Variants in ABR observed in about 807,000 individuals in gnomAD.
The protein encoded by ABR is active breakpoint cluster region-related protein.
In ABR, 35 loss-of-function variants were observed where a neutral mutation model predicts 107.2. The ratio of observed to expected loss-of-function variants is 0.33; its 90% CI spans 0.25 to 0.43. The LOEUF (loss-of-function observed/expected upper bound fraction) is 0.43, where lower values mean the gene tolerates loss of function less well. ABR is among the 20% of genes least tolerant of loss of function. The probability of loss-of-function intolerance (pLI) is 1.00; values close to 1 mark genes in which losing one functional copy is unlikely to be tolerated. For missense variants in ABR, 815 were observed against 1,115.2 expected, an observed-to-expected ratio of 0.73 and a Z score of 3.83; for synonymous variants, 498 against 462.0, an observed-to-expected ratio of 1.08 and a Z score of -1.00.
intron 10 of ABR, among the ~76,000 whole-genome samples, chr17:1,063,513 C>T (rs1457608785): frequency 1.4e-5 from 2 of 145,120 alleles, no homozygotes; most frequent in African/African-American, 2.5e-5. Context: ...TTCCTCTAGA[C>T]ACTGTTGTTA....
chr17:1,039,000 A>C (rs2073410507), intron 16 of ABR, among the ~76,000 whole-genome samples: 1 of 152,150 alleles, frequency 6.6e-6, no homozygotes, highest in African/African-American at 2.4e-5. Context: ...CACGGACCCG[A>C]GAGGACACTC....
At chr17:1,205,547 AC>A (rs2042772797) in intron 1 of ABR, among the ~76,000 whole-genome samples, 2 of 152,350 alleles carry the variant, frequency 1.3e-5, no homozygotes, top group East Asian at 3.9e-4. Flanking sequence ...GCAGTGGCTC[AC>A]GTCTGTAATC....
rs1221774510 is a variant in ABR at position 1,037,965 on chromosome 17, T to C, written c.1791+12085A>G. Among the ~76,000 whole-genome samples the C allele has an allele frequency of 3.3e-5, 5 of 152,316 alleles. No homozygotes were observed. The highest frequency in any genetic ancestry group is 5.9e-5 in the Non-Finnish European group (4 of 68,030). ...ATGGTCTCCGGTGAGATTTCTTTTC[T>C]GCTGAGGACGCACCCCTGCCGTTTT... On this transcript the variant is annotated intron_variant, in intron 16 of 22. Coordinates refer to ENST00000302538, the MANE Select transcript of ABR (RefSeq NM_021962.5). The surrounding 1 kb of genome is among the most constrained non-coding windows in gnomAD (Gnocchi z 4.6).
intron 1 of ABR, among the ~76,000 whole-genome samples, chr17:1,159,573 GGA>G (rs1405549182): frequency 4.9e-5 from 2 of 40,432 alleles, no homozygotes; most frequent in Admixed American, 3.0e-4. Flanking sequence ...CTCACACACG[GGA>G]GAAGTAAGAA....
chr17:1,069,916 G>A (rs1433515947), intron 9 of ABR, 53 bp downstream of exon 9: 9 of 350,548 alleles, frequency 2.6e-5, no homozygotes, highest in African/African-American at 1.9e-4. Flanking sequence ...CACTCACCCC[G>A]CAGAGGTCCG....
Position 1,029,284 on chromosome 17 carries a change from G to C in ABR, c.1792-16120C>G, listed in dbSNP as rs7221229. Among the ~76,000 whole-genome samples the C allele has an allele frequency of 5.9e-3, 897 of 152,054 alleles. 14 individuals are homozygous for C. Among genetic ancestry groups the C allele is most frequent in the Non-Finnish European group, 7.3e-3 (497 of 67,986 alleles). On this transcript the variant is annotated intron_variant, in intron 16 of 22. Transcript: ENST00000302538. ...GGCTTTGGCCCCTGAACTCTCCTCCGGTGACAAGAACAGCCCAACCACAGG... is the reference window on the plus strand; with the variant it reads ...GGCTTTGGCCCCTGAACTCTCCTCCCGTGACAAGAACAGCCCAACCACAGG...
intron 1 of ABR, among the ~76,000 whole-genome samples, chr17:1,174,879 G>C (rs1219823157): frequency 1.3e-5 from 2 of 152,096 alleles, no homozygotes; most frequent in Non-Finnish European, 1.5e-5. Flanking sequence ...GGTGCCAGAT[G>C]ATCAACCTGC....
At chr17:1,190,156 A>G (rs1383635252), upstream of ABR, among the ~76,000 whole-genome samples, 1 of 152,192 alleles carries the variant, frequency 6.6e-6, no homozygotes, top group Non-Finnish European at 1.5e-5. Context: ...ACCCTAACTG[A>G]AAATTCCCCA....
intron 1 of ABR, among the ~76,000 whole-genome samples, chr17:1,130,888 C>G (rs2039793645): frequency 6.6e-6 from 1 of 152,186 alleles, no homozygotes; most frequent in Non-Finnish European, 1.5e-5. Flanking sequence ...GAACTCTGCC[C>G]CGGCAGCCTG....
At chr17:1,111,407 C>G (rs2038669295) in intron 2 of ABR, among the ~76,000 whole-genome samples, 1 of 152,184 alleles carries the variant, frequency 6.6e-6, no homozygotes, top group African/African-American at 2.4e-5. Flanking sequence ...CTCGGTGCCC[C>G]CCTGGAGGGG....
intron 1 of ABR, among the ~76,000 whole-genome samples, chr17:1,218,958 G>A (rs568056426): frequency 7.9e-5 from 12 of 152,218 alleles, no homozygotes; most frequent in Non-Finnish European, 1.5e-4. Context: ...CACAAATGAA[G>A]TTAATATACT....
chr17:1,201,482 C>T (rs927896236), intron 1 of ABR, among the ~76,000 whole-genome samples: 5 of 152,052 alleles, frequency 3.3e-5, no homozygotes, highest in Admixed American at 6.6e-5. Context: ...GTGTATAACA[C>T]GGGTACACAC....
chr17:1,060,388 T>C (rs766728134), intron 10 of ABR, among the ~76,000 whole-genome samples: 1 of 151,798 alleles, frequency 6.6e-6, no homozygotes, highest in Non-Finnish European at 1.5e-5. Context: ...CCAGCCTGGG[T>C]GACAGAGCGA....
At chr17:1,168,982 G>A (rs1425612867) in intron 1 of ABR, among the ~76,000 whole-genome samples, 2 of 152,254 alleles carry the variant, frequency 1.3e-5, no homozygotes, top group African/African-American at 2.4e-5. Context: ...ACCAAGTCAA[G>A]GTGGCTGTTC....
chr17:1,091,321 C>A (rs1184929658), intron 4 of ABR, among the ~76,000 whole-genome samples: 3 of 114,188 alleles, frequency 2.6e-5, no homozygotes, highest in Non-Finnish European at 3.8e-5. Context: ...AAAGACGGAG[C>A]ACCCTCCGGG....
At chr17:1,009,096 G>A (rs955606580) in intron 21 of ABR, among the ~76,000 whole-genome samples, 2 of 152,100 alleles carry the variant, frequency 1.3e-5, no homozygotes, top group Non-Finnish European at 2.9e-5. Flanking sequence ...CTGTAACACA[G>A]TCCACACGTC....
intron 1 of ABR, among the ~76,000 whole-genome samples, chr17:1,220,040 A>C (rs374738540): frequency 6.6e-5 from 10 of 151,550 alleles, no homozygotes; most frequent in South Asian, 2.1e-4. Context: ...GCCTGTAATC[A>C]CAGCACTTTG....
intron 20 of ABR, 63 bp from the exon 21 acceptor site, chr17:1,009,847 G>A (rs1244781139): frequency 2.1e-6 from 3 of 1,451,154 alleles, no homozygotes; most frequent in Non-Finnish European, 2.9e-6. Flanking sequence ...GGCCCCTGTG[G>A]TCGTGAGGCT....
Position 1,010,901 on chromosome 17 carries a change from G to A in ABR, c.2102-38C>T, listed in dbSNP as rs763317900. 6.2e-7 allele frequency: 1 copy of A among 1,610,240 alleles called. No homozygotes were observed. Among genetic ancestry groups the A allele is most frequent in the East Asian group, 2.2e-5 (1 of 44,854 alleles). ...GGCCGAGGTCAGGCAGCCTTAGCTG[G>A]GCCAGCAGCCCCGTTCCACCCCCGA... On this transcript the variant is annotated intron_variant, in intron 19 of 22. Coordinates refer to ENST00000302538, the MANE Select transcript of ABR (RefSeq NM_021962.5). This position sits in a 1 kb window ranked among gnomAD's most constrained non-coding sequence, Gnocchi z 4.1.
Sources: gnomAD v4.1 joint callset for allele counts (sites outside exome capture counted in the v4.1 genomes callset) on GRCh38, gnomAD v4.1.1 for gene constraint, Gnocchi (gnomAD v3.1) non-coding constraint, MANE v1.5 for transcripts, NCBI Gene and HGNC (gene_info 2026-07-23, HGNC 2026-07-21) for gene names.